MYO1D: variants seen among roughly 807,000 people sequenced by gnomAD.
The protein encoded by MYO1D is myosin ID, also known as unconventional myosin-Id.
MYO1D carries 83 observed loss-of-function variants against 122.0 expected under a neutral mutation model. The observed-to-expected ratio is 0.68, with a 90% confidence interval of 0.57 to 0.82. MYO1D has a LOEUF of 0.82. MYO1D is among the 40% of genes least tolerant of loss of function. The pLI, the probability that MYO1D is intolerant of heterozygous loss-of-function variation, is 0.00. For synonymous variants in MYO1D, 464 were observed against 446.9 expected, an observed-to-expected ratio of 1.04 and a Z score of -0.48; for missense variants, 1,157 against 1,269.5, an observed-to-expected ratio of 0.91 and a Z score of 1.35.
chr17:32,627,943 A>C (rs1451428507), intron 20 of MYO1D: 1 of 152,204 alleles, frequency 6.6e-6, no homozygotes, highest in South Asian at 2.1e-4. Flanking sequence ...CTCTAGTGGC[A>C]GAAGTGCATT....
Position 32,594,615 on chromosome 17 carries a change from C to A in MYO1D, c.2864+10472G>T, listed in dbSNP as rs187108773. The stretch of plus-strand genomic sequence containing the variant: ...TGGCCTTTTCAGAAATAGGCTTTTT[C>A]TTTTAGGTCTTATAATATCTATATC... On this transcript the variant is annotated intron_variant, in intron 21 of 21. Coordinates refer to ENST00000318217, the MANE Select transcript of MYO1D (RefSeq NM_015194.3). The A allele has an allele frequency of 1.3e-4, 81 of 635,348 alleles. No individual in the cohort carries two copies. In the East Asian group the frequency reaches 2.2e-3, roughly 17 times the overall value. The allele number at this position is 635,348 out of a possible 1,614,324, so 39.4% of individuals were successfully genotyped here.
chr17:32,703,625 A>G (rs974199695), intron 16 of MYO1D, among the ~76,000 whole-genome samples: 2 of 152,126 alleles, frequency 1.3e-5, no homozygotes, highest in South Asian at 2.1e-4. Flanking sequence ...GAATGAGAAC[A>G]TAACTATAAA....
intron 21 of MYO1D, among the ~76,000 whole-genome samples, chr17:32,588,722 G>T (rs565487276): frequency 6.6e-6 from 1 of 152,226 alleles, no homozygotes; most frequent in African/African-American, 2.4e-5. Flanking sequence ...GGCCGACACA[G>T]GTGGATCTCT....
intron 21 of MYO1D, chr17:32,510,179 C>G (rs1326147045): frequency 6.6e-6 from 1 of 152,210 alleles, no homozygotes; most frequent in Non-Finnish European, 1.5e-5. Flanking sequence ...ACAGCATTTG[C>G]GCCTCCATTC....
At chr17:32,797,700 A>T (rs1167109957) in intron 1 of MYO1D, among the ~76,000 whole-genome samples, 2 of 152,190 alleles carry the variant, frequency 1.3e-5, no homozygotes, top group Non-Finnish European at 2.9e-5. Context: ...CTTGGAGTGT[A>T]TCCCTCACAG....
intron 21 of MYO1D, among the ~76,000 whole-genome samples, chr17:32,589,927 T>C (rs775963633): frequency 4.6e-5 from 7 of 152,244 alleles, no homozygotes; most frequent in Non-Finnish European, 8.8e-5. Flanking sequence ...TAGTTCTTTC[T>C]CTGTTCAATT....
chr17:32,589,610 C>T (rs2087420744), intron 21 of MYO1D, among the ~76,000 whole-genome samples: 1 of 152,164 alleles, frequency 6.6e-6, no homozygotes, highest in African/African-American at 2.4e-5. Flanking sequence ...CAAGCTCCGC[C>T]TCCTCCTCAA....
intron 8 of MYO1D, among the ~76,000 whole-genome samples, chr17:32,761,847 A>C (rs993989033): frequency 2.0e-5 from 3 of 152,150 alleles, no homozygotes; most frequent in Non-Finnish European, 4.4e-5. Flanking sequence ...AGCACCACTT[A>C]GAAATTCACT....
At chr17:32,862,813 T>C (rs559750504) in intron 1 of MYO1D, 1 of 152,352 alleles carries the variant, frequency 6.6e-6, no homozygotes, top group African/African-American at 2.4e-5. Flanking sequence ...ATTACAGTGA[T>C]AGTCCATTTA....
At chr17:32,730,428 T>C (rs1267330751) in intron 14 of MYO1D, among the ~76,000 whole-genome samples, 1 of 152,208 alleles carries the variant, frequency 6.6e-6, no homozygotes, top group Non-Finnish European at 1.5e-5. Flanking sequence ...TTTGCTCTTC[T>C]TTTCTTTTCG....
At chr17:32,633,552 T>C (rs2088052380) in intron 20 of MYO1D, among the ~76,000 whole-genome samples, 1 of 152,074 alleles carries the variant, frequency 6.6e-6, no homozygotes, top group Non-Finnish European at 1.5e-5. Context: ...TTCTTCTCTT[T>C]CTCCTCCCAT....
At chr17:32,520,300 C>T (rs1027800803) in intron 21 of MYO1D, among the ~76,000 whole-genome samples, 1 of 152,182 alleles carries the variant, frequency 6.6e-6, no homozygotes, top group Non-Finnish European at 1.5e-5. Flanking sequence ...GCACAAAGTC[C>T]ACACAGAGGA....
At chr17:32,606,908 CCAG>C (rs2087634891) in intron 20 of MYO1D, among the ~76,000 whole-genome samples, 1 of 152,140 alleles carries the variant, frequency 6.6e-6, no homozygotes, top group African/African-American at 2.4e-5. Context: ...GCCTGTAATC[CCAG>C]CACTTTGGGA....
intron 16 of MYO1D, among the ~76,000 whole-genome samples, chr17:32,687,499 G>A (rs561405765): frequency 2.6e-5 from 4 of 152,076 alleles, no homozygotes; most frequent in South Asian, 2.1e-4. Flanking sequence ...GCCTGGCCTC[G>A]CCTGGCTAAT....
intron 8 of MYO1D, 51 bp from the exon 9 acceptor site, chr17:32,760,678 CTGTT>C: frequency 6.4e-7 from 1 of 1,559,182 alleles, no homozygotes; most frequent in Non-Finnish European, 8.7e-7. Context: ...AATGAGTCCT[CTGTT>C]TGGATTTGTG....
chr17:32,514,660 A>G (rs1421810693), intron 21 of MYO1D, among the ~76,000 whole-genome samples: 1 of 152,228 alleles, frequency 6.6e-6, no homozygotes, highest in Non-Finnish European at 1.5e-5. Context: ...AGTTAGTTTG[A>G]ATCACGATGA....
intron 12 of MYO1D, among the ~76,000 whole-genome samples, chr17:32,746,352 A>G (rs1043062827): frequency 2.0e-5 from 3 of 152,204 alleles, no homozygotes; most frequent in African/African-American, 7.2e-5. Flanking sequence ...AGATGGACCT[A>G]GTTGCTATTT....
chr17:32,557,357 C>T (rs2087077157), intron 21 of MYO1D, among the ~76,000 whole-genome samples: 1 of 152,008 alleles, frequency 6.6e-6, no homozygotes, highest in African/African-American at 2.4e-5. Flanking sequence ...GATCCACCTG[C>T]CTTGGCCTCC....
At chr17:32,860,877 T>C (rs1318010421) in intron 1 of MYO1D, among the ~76,000 whole-genome samples, 2 of 152,196 alleles carry the variant, frequency 1.3e-5, no homozygotes, top group Admixed American at 1.3e-4. Flanking sequence ...AGAGAATTCA[T>C]GGCTCAGAAT....
Sources: allele counts gnomAD v4.1 joint callset (sites outside exome capture counted in the v4.1 genomes callset), GRCh38; gene constraint gnomAD v4.1.1; transcripts MANE v1.5; gene names NCBI Gene and HGNC (gene_info 2026-07-23, HGNC 2026-07-21).